NAALADL2: variants seen among roughly 807,000 people sequenced by gnomAD.
NAALADL2 encodes N-acetylated alpha-linked acidic dipeptidase like 2, also known as inactive N-acetylated-alpha-linked acidic dipeptidase-like protein 2.
NAALADL2 carries 76 observed loss-of-function variants against 87.2 expected under a neutral mutation model. The ratio of observed to expected loss-of-function variants is 0.87; its 90% confidence interval spans 0.72 to 1.05. The LOEUF is 1.05. NAALADL2 is among the 50% of genes least tolerant of loss of function. NAALADL2 has a pLI of 0.00. For missense variants in NAALADL2, 1,089 were observed against 945.8 expected (o/e 1.15, Z -1.99); for synonymous variants, 354 against 331.0 (o/e 1.07, Z -0.75).
chr3:174,996,299 C>G (rs936370617), intron 1 of NAALADL2, among the ~76,000 whole-genome samples: 1 of 151,930 alleles, frequency 6.6e-6, no homozygotes, highest in African/African-American at 2.4e-5. Context: ...AGATCGAGAC[C>G]ATCCTGGCTA....
chr3:174,475,745 C>T (rs1020533273), intron 1 of NAALADL2, among the ~76,000 whole-genome samples: 3 of 151,980 alleles, frequency 2.0e-5, no homozygotes, highest in Non-Finnish European at 4.4e-5. Context: ...TTGTCCTCTT[C>T]GCTTCTTTTG....
chr3:174,750,887 G>A (rs1734756352), intron 3 of NAALADL2, among the ~76,000 whole-genome samples: 1 of 152,094 alleles, frequency 6.6e-6, no homozygotes, highest in African/African-American at 2.4e-5. Context: ...TGCAAATACA[G>A]CGCTCTCAAA....
chr3:174,730,310 A>G (rs529967781), intron 2 of NAALADL2, among the ~76,000 whole-genome samples: 2 of 152,072 alleles, frequency 1.3e-5, no homozygotes, highest in East Asian at 3.9e-4. Context: ...ATATTCATTA[A>G]TTTGTGGTTT....
intron 9 of NAALADL2, among the ~76,000 whole-genome samples, chr3:175,518,656 C>T (rs1477567444): frequency 6.6e-6 from 1 of 152,138 alleles, no homozygotes; most frequent in African/African-American, 2.4e-5. Context: ...GGGTCAAACA[C>T]GCTAGTTCAG....
rs1724058366 is a variant in NAALADL2 at position 174,841,870 on chromosome 3, A to G, written c.-9+104124A>G. Reference sequence around the variant, plus strand: ...TGCTTGCATCAGGCAGTTAGCATGCATATTTCTCTCCTTTCATGCCTTCCT... The same window carrying G: ...TGCTTGCATCAGGCAGTTAGCATGCGTATTTCTCTCCTTTCATGCCTTCCT... On this transcript the variant is annotated intron_variant, in intron 3 of 3. Transcript: ENST00000434257. Among the ~76,000 whole-genome samples the G allele has an allele frequency of 2.0e-5, 3 of 152,140 alleles. No homozygotes were observed. In the South Asian group the frequency reaches 6.2e-4, roughly 32 times the overall value.
intron 1 of NAALADL2, among the ~76,000 whole-genome samples, chr3:174,924,317 T>C (rs1399665051): frequency 6.7e-6 from 1 of 149,578 alleles, no homozygotes; most frequent in Non-Finnish European, 1.5e-5. Flanking sequence ...TGGTGTTTGG[T>C]TTTTTGTCCC....
chr3:175,013,276 T>TATATAC (rs1750343543), intron 1 of NAALADL2, among the ~76,000 whole-genome samples: 1 of 92,376 alleles, frequency 1.1e-5, no homozygotes, highest in Non-Finnish European at 2.0e-5. Context: ...TTTATATATA[T>TATATAC]ACATATATAT....
intron 13 of NAALADL2, among the ~76,000 whole-genome samples, chr3:175,765,289 A>G (rs781160216): frequency 6.6e-6 from 1 of 152,064 alleles, no homozygotes; most frequent in Non-Finnish European, 1.5e-5. Flanking sequence ...AAATACATAC[A>G]CTAGTTTTAT....
chr3:175,744,056 C>T (rs901511285), intron 12 of NAALADL2, among the ~76,000 whole-genome samples: 13 of 152,170 alleles, frequency 8.5e-5, no homozygotes, highest in African/African-American at 2.2e-4. Flanking sequence ...CTGCTGCCTA[C>T]GACAGCTAAA....
At chr3:174,569,669 A>G (rs1714693286) in intron 2 of NAALADL2, among the ~76,000 whole-genome samples, 1 of 152,096 alleles carries the variant, frequency 6.6e-6, no homozygotes, top group Non-Finnish European at 1.5e-5. Context: ...GCAGGGAGTT[A>G]AATTATGATC....
At chr3:174,817,342 C>T (rs1434977150) in intron 3 of NAALADL2, among the ~76,000 whole-genome samples, 1 of 152,138 alleles carries the variant, frequency 6.6e-6, no homozygotes, top group Non-Finnish European at 1.5e-5. Flanking sequence ...TGGCTCATGC[C>T]AGTAATCAAA....
chr3:175,493,319 A>G (rs1396352176), intron 9 of NAALADL2, among the ~76,000 whole-genome samples: 4 of 152,276 alleles, frequency 2.6e-5, no homozygotes, highest in African/African-American at 7.2e-5. Flanking sequence ...TCGCGTTTGT[A>G]TAATTTGGAT....
chr3:175,516,256 C>G (rs1344128276), intron 9 of NAALADL2, among the ~76,000 whole-genome samples: 3 of 152,116 alleles, frequency 2.0e-5, no homozygotes, highest in African/African-American at 7.2e-5. Flanking sequence ...TGAGATAGCC[C>G]TATTGTTTAT....
chr3:175,243,315 G>A (rs908375068), intron 3 of NAALADL2, among the ~76,000 whole-genome samples: 40 of 72,958 alleles, frequency 5.5e-4, no homozygotes, highest in African/African-American at 1.9e-3. Flanking sequence ...TACCACTTTA[G>A]AAGGAAACAC....
At chr3:175,135,165 G>C (rs929409023) in intron 2 of NAALADL2, among the ~76,000 whole-genome samples, 3 of 151,992 alleles carry the variant, frequency 2.0e-5, no homozygotes, top group Non-Finnish European at 4.4e-5. Context: ...GCTTAAAATC[G>C]CTGTAAGTGT....
chr3:174,618,364 A>C (rs536228164), intron 2 of NAALADL2, among the ~76,000 whole-genome samples: 57 of 151,954 alleles, frequency 3.8e-4, no homozygotes, highest in South Asian at 3.1e-3. Flanking sequence ...AAAGAATCAA[A>C]GTATTAAATT....
intron 2 of NAALADL2, among the ~76,000 whole-genome samples, chr3:175,135,795 G>A (rs1384702387): frequency 6.6e-6 from 1 of 152,140 alleles, no homozygotes; most frequent in African/African-American, 2.4e-5. Flanking sequence ...AAATAAGTAT[G>A]TATTTAAGTA....
At chr3:174,898,997 T>C (rs534872357) in intron 1 of NAALADL2, among the ~76,000 whole-genome samples, 2 of 152,276 alleles carry the variant, frequency 1.3e-5, no homozygotes, top group South Asian at 4.1e-4. Context: ...TCTGTATAGA[T>C]ATTATATTTT....
intron 1 of NAALADL2, among the ~76,000 whole-genome samples, chr3:174,497,642 C>T (rs1338329020): frequency 6.6e-6 from 1 of 151,906 alleles, no homozygotes; most frequent in Non-Finnish European, 1.5e-5. Flanking sequence ...TGTCTGTCTT[C>T]CCTAGTAGAG....
Sources: allele counts gnomAD v4.1 joint callset (sites outside exome capture counted in the v4.1 genomes callset), GRCh38; gene constraint gnomAD v4.1.1; transcripts MANE v1.5; gene names NCBI Gene and HGNC (gene_info 2026-07-23, HGNC 2026-07-21).